The following CCDC180 variants were observed in gnomAD, a reference collection of about 807,000 sequenced individuals.
The protein encoded by CCDC180 is coiled-coil domain containing 180, also known as coiled-coil domain-containing protein 180.
A neutral mutation model predicts 209.2 loss-of-function variants in CCDC180; 154 were observed. The observed-to-expected ratio is 0.74, with a 90% confidence interval of 0.65 to 0.84. The LOEUF (loss-of-function observed/expected upper bound fraction) is 0.84, where lower values mean the gene tolerates loss of function less well. Among genes scored for constraint, CCDC180 ranks in the 40% least tolerant of loss-of-function variants. CCDC180 has a pLI of 0.00. For synonymous variants in CCDC180, 778 were observed against 749.1 expected, an observed-to-expected ratio of 1.04 and a Z score of -0.63; for missense variants, 1,874 against 1,997.3, an observed-to-expected ratio of 0.94 and a Z score of 1.18.
rs750429540 is a variant in CCDC180 at position 97,318,460 on chromosome 9, C to T, written c.960-3C>T. 3 of 1,613,346 alleles carry T rather than the reference C, an allele frequency of 1.9e-6. No homozygotes were observed. The South Asian group carries it at 3.3e-5, about 18-fold the overall frequency. On this transcript the variant is annotated splice_polypyrimidine_tract_variant and splice_region_variant and intron_variant, in intron 9 of 36. Transcript: ENST00000529487. ...TTATGGTGCCAACATGTCTGGCCAC[C>T]AGTGAGTTCATGGCCAGTGAGAGTA...
Position 97,371,581 on chromosome 9 carries a change from C to A in CCDC180, c.4489-14C>A. 3.2e-6 allele frequency: 5 copies of A among 1,559,972 alleles called. No individual in the cohort carries two copies. Among genetic ancestry groups the A allele is most frequent in the South Asian group, 1.1e-5 (1 of 88,658 alleles). ...CCTCTCCTAGCAGCACTGTGCTCACCATGTTTTTTCCAGGAATGTACCAGA... is the reference window on the plus strand; with the variant it reads ...CCTCTCCTAGCAGCACTGTGCTCACAATGTTTTTTCCAGGAATGTACCAGA... On this transcript the variant is annotated splice_polypyrimidine_tract_variant and intron_variant, in intron 33 of 36. Transcript: ENST00000529487.
chr9:97,334,398 C>T (rs2118715660), intron 18 of CCDC180, among the ~76,000 whole-genome samples: 1 of 152,282 alleles, frequency 6.6e-6, no homozygotes, highest in African/African-American at 2.4e-5. Context: ...CTACATTTAT[C>T]CTCATTGTAT....
At chr9:97,321,724 CCAG>C (rs1833364778) in intron 11 of CCDC180, among the ~76,000 whole-genome samples, 1 of 152,118 alleles carries the variant, frequency 6.6e-6, no homozygotes, top group Non-Finnish European at 1.5e-5. Context: ...GAACAGGTCC[CCAG>C]CCATGGGAGC....
At position 97,330,495 on chromosome 9, in the gene CCDC180, G is replaced by A. The variant is rs1484750614; in HGVS notation, c.2002G>A (p.Glu668Lys). ...AGAAATGGAGTCCTTCATAACTGAA[G>A]AGGTGCTGGGGCAGCAGAAAAAATC... ...DQEMESFITE[E>K]VLGQQKKSPL... The change falls in exon 18 of 37, where the codon GAG (glutamate) becomes AAG (lysine). Residue 668 changes from glutamate (E) to lysine (K), a missense_variant. Coordinates refer to ENST00000529487, the MANE Select transcript of CCDC180 (RefSeq NM_020893.6). 1 of 1,614,202 alleles carries A rather than the reference G, an allele frequency of 6.2e-7. No individual in the cohort carries two copies. The highest frequency in any genetic ancestry group is 1.1e-5 in the South Asian group (1 of 91,090).
chr9:97,343,363 A>C lies in CCDC180; in HGVS notation c.2298A>C (p.Leu766=). 1 of 1,611,670 alleles carries C rather than the reference A, an allele frequency of 6.2e-7. No homozygotes were observed. ...AGGAAGAAGACAAGGAAGAGGGTCT[A>C]GAGGAGATATACTATGAGGACATGG... ...VGEEEDKEEG[L]EEIYYEDMES... Residue 766 remains leucine (L), a synonymous_variant, in exon 19 of 37, where the codon CTA becomes CTC. Transcript: ENST00000529487.
At chr9:97,325,887 G>A (rs949920912) in intron 14 of CCDC180, among the ~76,000 whole-genome samples, 2 of 152,128 alleles carry the variant, frequency 1.3e-5, no homozygotes, top group Non-Finnish European at 2.9e-5. Context: ...TGAGTATTTC[G>A]AAGTCCAGTA....
intron 21 of CCDC180, among the ~76,000 whole-genome samples, 188 bp downstream of exon 21, chr9:97,349,479 G>T (rs1175261373): frequency 6.6e-6 from 1 of 152,214 alleles, no homozygotes; most frequent in Non-Finnish European, 1.5e-5. Flanking sequence ...GGAGGGCAGG[G>T]AGTGAGCAGC....
rs1043344063 is a variant in CCDC180 at position 97,362,404 on chromosome 9, A to T, written c.3865A>T (p.Lys1289Ter). Residue 1289 changes from lysine (K) to a stop codon, truncating the protein, a stop_gained, in exon 28 of 37, where the codon AAG becomes TAG. Coordinates refer to ENST00000529487, the MANE Select transcript of CCDC180 (RefSeq NM_020893.6). LOFTEE classifies it high-confidence loss of function. ...GTGCCAGCCAGAAAACTCTGGGAAG[A>T]AGGCTGTACCCAGTGCCAGTGCTAC... ...HRCQPENSGK[K>*]AVPSASATSA... is the part of the protein sequence containing the mutation. The T allele has an allele frequency of 1.9e-6, 3 of 1,614,052 alleles. No homozygotes were observed. Among genetic ancestry groups the T allele is most frequent in the Non-Finnish European group, 2.5e-6 (3 of 1,180,042 alleles).
intron 25 of CCDC180, among the ~76,000 whole-genome samples, chr9:97,359,643 T>A (rs1203129364): frequency 6.6e-6 from 1 of 151,380 alleles, no homozygotes; most frequent in Non-Finnish European, 1.5e-5. Context: ...CCAGAGGAGA[T>A]CCTAGGGAAT....
At chr9:97,354,756 A>G in intron 23 of CCDC180, 43 bp downstream of exon 23, 3 of 1,613,050 alleles carry the variant, frequency 1.9e-6, no homozygotes, top group Non-Finnish European at 2.5e-6. Context: ...GTTCCACAGT[A>G]TCCCTTGCTC....
chr9:97,360,014 C>T lies in CCDC180; in HGVS notation c.3396C>T (p.Val1132=), dbSNP rs1347074311. 6.2e-7 allele frequency: 1 copy of T among 1,614,022 alleles called. No individual in the cohort carries two copies. ...CCACAGAAGAACTCCTCAGCTTCGT[C>T]CAAACTTGGAAGGAAAAACTGAGCC... ...TVTTEELLSF[V]QTWKEKLSQR... Residue 1132 remains valine (V), a synonymous_variant, in exon 26 of 37, where the codon GTC becomes GTT. Transcript: ENST00000529487.
chr9:97,322,773 C>G, intron 11 of CCDC180, 60 bp from the exon 12 acceptor site: 1 of 1,438,220 alleles, frequency 7.0e-7, no homozygotes, highest in Non-Finnish European at 9.8e-7. Context: ...AAAGGGGACA[C>G]TCCCCTTTCT....
At chr9:97,345,141 A>G (rs12377538) in intron 19 of CCDC180, among the ~76,000 whole-genome samples, 29,260 of 152,222 alleles carry the variant, frequency 0.19, 3,045 homozygotes, top group East Asian at 0.3. Context: ...GGATATACCA[A>G]TAATGTTGCT....
At chr9:97,318,728 C>G in intron 10 of CCDC180, 146 bp downstream of exon 10, 2 of 1,054,912 alleles carry the variant, frequency 1.9e-6, no homozygotes, top group Non-Finnish European at 2.7e-6. Flanking sequence ...GCCACCTGGA[C>G]CATTTCAGCC....
At chr9:97,336,679 G>GT (rs371539368) in intron 18 of CCDC180, among the ~76,000 whole-genome samples, 3,615 of 152,258 alleles carry the variant, frequency 0.024, 153 homozygotes, top group African/African-American at 0.082. Context: ...CTTTAAAGTA[G>GT]TTTTTTCCAA....
chr9:97,338,560 C>T (rs550432291), intron 18 of CCDC180, among the ~76,000 whole-genome samples: 1 of 152,258 alleles, frequency 6.6e-6, no homozygotes, highest in African/African-American at 2.4e-5. Flanking sequence ...TTTACATTTG[C>T]TGAGAAGTGC....
chr9:97,364,157 G>C, intron 29 of CCDC180, 29 bp downstream of exon 29: 1 of 1,608,006 alleles, frequency 6.2e-7, no homozygotes, highest in Non-Finnish European at 8.5e-7. Flanking sequence ...CCTTTTGACT[G>C]CATTTAACCT....
chr9:97,307,985 A>T lies in CCDC180; in HGVS notation c.-79A>T. On this transcript the variant is annotated splice_region_variant and 5_prime_UTR_variant, in exon 2 of 37. Transcript: ENST00000529487. ...GACGGGCGATTTCCCAACCTCAGGA[A>T]TTGGAATTGAGACACCAAAGCCTAG... 1 of 1,592,740 alleles carries T rather than the reference A, an allele frequency of 6.3e-7. No homozygotes were observed.
At position 97,330,372 on chromosome 9, in the gene CCDC180, C is replaced by G. The variant is rs1825700332; in HGVS notation, c.1879C>G (p.Gln627Glu). 1.2e-6 allele frequency: 2 copies of G among 1,614,046 alleles called. No homozygotes were observed. Among genetic ancestry groups the G allele is most frequent in the Non-Finnish European group, 1.7e-6 (2 of 1,180,022 alleles). ...QKRVKKLRKKQGSKEDMTRSE... is the reference protein window; with the variant it reads ...QKRVKKLRKKEGSKEDMTRSE... ...GAGAGTGAAAAAACTGAGGAAGAAG[C>G]AAGGGTCTAAAGAGGACATGACCAG... is the stretch of plus-strand genomic sequence containing the variant. The change falls in exon 18 of 37, where the codon CAA (glutamine) becomes GAA (glutamate). Residue 627 changes from glutamine to glutamate, a missense_variant. Gln to Glu is a conservative substitution (Grantham distance 29). Transcript: ENST00000529487.
Sources: gnomAD v4.1 joint callset for allele counts (sites outside exome capture counted in the v4.1 genomes callset) on GRCh38, gnomAD v4.1.1 for gene constraint, MANE v1.5 for transcripts, NCBI Gene and HGNC (gene_info 2026-07-23, HGNC 2026-07-21) for gene names.